The following SHROOM3 variants were observed in gnomAD, a reference collection of about 807,000 sequenced individuals.
The protein encoded by SHROOM3 is protein Shroom3.
A neutral mutation model predicts 138.6 loss-of-function variants in SHROOM3; 47 were observed. The ratio of observed to expected loss-of-function variants is 0.34; its 90% CI spans 0.27 to 0.43. SHROOM3 has a LOEUF of 0.43. SHROOM3 is among the 20% of genes least tolerant of loss of function. The pLI, the probability that SHROOM3 is intolerant of heterozygous loss-of-function variation, is 1.00. For synonymous variants in SHROOM3, 1,062 were observed against 1,063.3 expected, an observed-to-expected ratio of 1.00 and a Z score of 0.02; for missense variants, 2,491 against 2,596.5, an observed-to-expected ratio of 0.96 and a Z score of 0.88.
At chr4:76,709,905 A>G in intron 2 of SHROOM3, 1 of 438,062 alleles carries the variant, frequency 2.3e-6, no homozygotes. Context: ...GTTTTCTGAG[A>G]TTGGGAAATA....
intron 1 of SHROOM3, among the ~76,000 whole-genome samples, chr4:76,494,107 C>T (rs1273665497): frequency 1.3e-5 from 2 of 151,620 alleles, no homozygotes; most frequent in South Asian, 2.1e-4. Flanking sequence ...TCTCCCTGCT[C>T]ACGGCCCCCT....
At chr4:76,705,503 GAAACA>G (rs1207140924) in intron 2 of SHROOM3, among the ~76,000 whole-genome samples, 1 of 152,012 alleles carries the variant, frequency 6.6e-6, no homozygotes, top group African/African-American at 2.4e-5. Flanking sequence ...TCTCAAAAAC[GAAACA>G]AAACAAAAAG....
At chr4:76,732,078 C>T (rs1720903388) in intron 4 of SHROOM3, among the ~76,000 whole-genome samples, 1 of 152,274 alleles carries the variant, frequency 6.6e-6, no homozygotes, top group African/African-American at 2.4e-5. Context: ...GCCAGGACTC[C>T]CCTCCACTTC....
chr4:76,580,851 C>A (rs1734038213), intron 2 of SHROOM3, among the ~76,000 whole-genome samples: 1 of 152,186 alleles, frequency 6.6e-6, no homozygotes, highest in Non-Finnish European at 1.5e-5. Context: ...TAATATCCTG[C>A]CTGATGCCTA....
At chr4:76,455,825 C>T (rs1269497862) in intron 1 of SHROOM3, among the ~76,000 whole-genome samples, 2 of 151,956 alleles carry the variant, frequency 1.3e-5, no homozygotes, top group Non-Finnish European at 2.9e-5. Context: ...TTGGAAGGCA[C>T]CAAGTATTAA....
chr4:76,468,375 A>T (rs1171855093), intron 1 of SHROOM3, among the ~76,000 whole-genome samples: 1 of 152,240 alleles, frequency 6.6e-6, no homozygotes, highest in Non-Finnish European at 1.5e-5. Context: ...CAATGTACAC[A>T]GTCATGTATA....
At chr4:76,676,553 T>C (rs888246153) in intron 2 of SHROOM3, among the ~76,000 whole-genome samples, 2 of 152,130 alleles carry the variant, frequency 1.3e-5, no homozygotes, top group Non-Finnish European at 2.9e-5. Context: ...AGGCATTTCA[T>C]TGAGAAAGGA....
rs1481427538 is a variant in SHROOM3 at position 76,779,930 on chromosome 4, G to GCC, written c.*754_*755dup. On this transcript the variant is annotated 3_prime_UTR_variant, in exon 11 of 11. Coordinates refer to ENST00000296043, the MANE Select transcript of SHROOM3 (RefSeq NM_020859.4). ...GTCTCACACCTTCCCCAGGAGGAAG[G>GCC]CCTCATGCACTGCGGTTATTGCATC... The GCC allele has an allele frequency of 6.6e-6, 1 of 152,612 alleles. No homozygotes were observed. The highest frequency in any genetic ancestry group is 1.9e-4 in the East Asian group (1 of 5,198). The allele number at this position is 152,612 out of a possible 1,614,324, so 9.5% of individuals were successfully genotyped here. A position where few individuals can be genotyped will look rare whatever the true frequency, so the allele number is the denominator to read the frequency against.
At chr4:76,469,047 A>AAAAAAT (rs1295271858) in intron 1 of SHROOM3, among the ~76,000 whole-genome samples, 1 of 151,622 alleles carries the variant, frequency 6.6e-6, no homozygotes, top group Non-Finnish European at 1.5e-5. Flanking sequence ...AAAAAAAAAA[A>AAAAAAT]AAAAATTAGC....
rs1369667984 is a variant in SHROOM3, at chr4:76,584,548, T to C, written c.323+28785T>C. Among the ~76,000 whole-genome samples the C allele has an allele frequency of 2.0e-5, 3 of 152,158 alleles. No homozygotes were observed. The East Asian group carries it at 5.8e-4, about 29-fold the overall frequency. ...GAGTCCACTCCTGGCTCCTTTAAAC[T>C]ACTGTGAATGTTCTGGTCTTTTCAG... On this transcript the variant is annotated intron_variant, in intron 2 of 10. Coordinates refer to ENST00000296043, the MANE Select transcript of SHROOM3 (RefSeq NM_020859.4).
chr4:76,630,440 A>G (rs1343265635), intron 2 of SHROOM3, among the ~76,000 whole-genome samples: 1 of 152,202 alleles, frequency 6.6e-6, no homozygotes, highest in Non-Finnish European at 1.5e-5. Flanking sequence ...GAGCTCTCTT[A>G]TGCATTAACT....
At chr4:76,722,645 C>A (rs974541217) in intron 3 of SHROOM3, among the ~76,000 whole-genome samples, 2 of 151,790 alleles carry the variant, frequency 1.3e-5, no homozygotes, top group Non-Finnish European at 2.9e-5. Context: ...TGCATGTGTA[C>A]CCCTAAAATT....
intron 1 of SHROOM3, among the ~76,000 whole-genome samples, chr4:76,452,470 T>C (rs1325843198): frequency 1.3e-5 from 2 of 152,252 alleles, no homozygotes; most frequent in African/African-American, 4.8e-5. Context: ...GTGCTTCATA[T>C]AAGTGGAATC....
chr4:76,757,029 C>T (rs1044682186), intron 8 of SHROOM3, 92 bp downstream of exon 8: 1 of 1,592,116 alleles, frequency 6.3e-7, no homozygotes, highest in Non-Finnish European at 8.6e-7. Flanking sequence ...CTGATGTTCT[C>T]CTACTGCCAC....
chr4:76,464,846 G>C (rs948542573), intron 1 of SHROOM3, among the ~76,000 whole-genome samples: 1 of 152,128 alleles, frequency 6.6e-6, no homozygotes, highest in African/African-American at 2.4e-5. Flanking sequence ...ATGATTGTAA[G>C]TTTCCTAAGG....
intron 2 of SHROOM3, among the ~76,000 whole-genome samples, chr4:76,665,453 A>C (rs1718665435): frequency 6.6e-6 from 1 of 152,134 alleles, no homozygotes; most frequent in Non-Finnish European, 1.5e-5. Context: ...TGTCAGAAGA[A>C]CCAGTCATCT....
chr4:76,694,268 T>C (rs1181758464), intron 2 of SHROOM3, among the ~76,000 whole-genome samples: 1 of 152,160 alleles, frequency 6.6e-6, no homozygotes, highest in African/African-American at 2.4e-5. Flanking sequence ...CCCTCAAGGG[T>C]TCATAGACAC....
At chr4:76,543,812 C>T (rs1027961964) in intron 1 of SHROOM3, among the ~76,000 whole-genome samples, 2 of 152,336 alleles carry the variant, frequency 1.3e-5, no homozygotes, top group Admixed American at 6.5e-5. Context: ...TGAAAAAAAG[C>T]ATTTCCTCTG....
chr4:76,546,694 T>C (rs954644056), intron 1 of SHROOM3, among the ~76,000 whole-genome samples: 2 of 152,216 alleles, frequency 1.3e-5, no homozygotes, highest in Admixed American at 6.5e-5. Flanking sequence ...ATTTTGCTCA[T>C]TGCTTCCATA....
Sources: allele counts gnomAD v4.1 joint callset (sites outside exome capture counted in the v4.1 genomes callset), GRCh38; gene constraint gnomAD v4.1.1; transcripts MANE v1.5; gene names NCBI Gene and HGNC (gene_info 2026-07-23, HGNC 2026-07-21).